Variants in DOCK1 observed in about 807,000 individuals in gnomAD.
DOCK1 encodes the protein dedicator of cytokinesis 1.
A neutral mutation model predicts 262.7 loss-of-function variants in DOCK1; 138 were observed. That is an observed-to-expected ratio of 0.53 (90% confidence interval 0.46 to 0.61). DOCK1 has a LOEUF of 0.61. DOCK1 is among the 20% of genes least tolerant of loss of function. DOCK1 has a pLI of 0.00. For missense variants in DOCK1, 1,908 were observed against 2,370.7 expected, an observed-to-expected ratio of 0.80 and a Z score of 4.05; for synonymous variants, 866 against 867.4, an observed-to-expected ratio of 1.00 and a Z score of 0.03.
intron 46 of DOCK1, among the ~76,000 whole-genome samples, chr10:127,423,011 C>T (rs184462156): frequency 1.3e-5 from 2 of 152,012 alleles, no homozygotes; most frequent in Non-Finnish European, 2.9e-5. Context: ...TAAAGCAGGT[C>T]ACAGGAAAGG....
At chr10:127,170,525 T>C (rs533161333) in intron 27 of DOCK1, among the ~76,000 whole-genome samples, 121 of 152,342 alleles carry the variant, frequency 7.9e-4, no homozygotes, top group African/African-American at 2.8e-3. Flanking sequence ...CACCAGCCAA[T>C]GGACACTTCA....
chr10:127,240,489 T>G lies in DOCK1; in HGVS notation c.2848-7519T>G, dbSNP rs1169410752. 2.0e-5 allele frequency among the ~76,000 whole-genome samples: 3 copies of G among 152,142 alleles called. No homozygotes were observed. In the East Asian group the frequency reaches 5.8e-4, roughly 29 times the overall value. On this transcript the variant is annotated intron_variant, in intron 27 of 51. Coordinates refer to ENST00000623213, the MANE Select transcript of DOCK1 (RefSeq NM_001290223.2). ...TCACTGATGAGAATGGACACCCATT[T>G]TCCGGTGAGCTTCAGTTTTAACAAT...
chr10:127,024,726 G>A lies in DOCK1; in HGVS notation c.1494G>A (p.Glu498=), dbSNP rs778627011. ...FPGAGDEAIS[E]YKSVIYYQVK... ...GTGCTGGTGATGAAGCGATTTCAGA[G>A]TACAAATCTGTGATTTACTACCAAG... is the stretch of plus-strand genomic sequence containing the variant. Residue 498 remains glutamate (E), a synonymous_variant, in exon 15 of 52, where the codon GAG becomes GAA. Transcript: ENST00000623213. 3.1e-6 allele frequency: 5 copies of A among 1,612,418 alleles called. No homozygotes were observed. The African/African-American group carries it at 4.0e-5, about 13-fold the overall frequency.
At chr10:126,928,266 C>A (rs1417396221) in intron 1 of DOCK1, among the ~76,000 whole-genome samples, 2 of 152,188 alleles carry the variant, frequency 1.3e-5, no homozygotes, top group African/African-American at 4.8e-5. Context: ...TGGGCTCTTG[C>A]TGTGGGCCAG....
At chr10:127,331,057 T>G (rs999909999) in intron 29 of DOCK1, among the ~76,000 whole-genome samples, 1 of 151,426 alleles carries the variant, frequency 6.6e-6, no homozygotes, top group African/African-American at 2.4e-5. Context: ...ACGTGGAAAC[T>G]GCAAAGAGGG....
chr10:127,321,406 CA>C (rs1199079756), intron 29 of DOCK1, among the ~76,000 whole-genome samples: 34 of 145,504 alleles, frequency 2.3e-4, no homozygotes, highest in Non-Finnish European at 4.5e-4. Context: ...TGGCATTCTC[CA>C]AGGCTCTTTT....
chr10:127,257,566 A>G (rs762357929), intron 29 of DOCK1, 137 bp downstream of exon 29: 1 of 730,232 alleles, frequency 1.4e-6, no homozygotes, highest in Non-Finnish European at 2.2e-6. Flanking sequence ...TGTGCTGCAG[A>G]CAGTTCTAGG....
chr10:126,980,784 G>T (rs2134828062), intron 3 of DOCK1, among the ~76,000 whole-genome samples: 1 of 152,210 alleles, frequency 6.6e-6, no homozygotes. Flanking sequence ...CCACAGGGGT[G>T]CCACTTTATC....
intron 33 of DOCK1, 129 bp from the exon 34 acceptor site, chr10:127,373,652 G>T: frequency 1.3e-6 from 1 of 799,994 alleles, no homozygotes. Context: ...ACTCTTAAAT[G>T]AGGCTTCAAA....
chr10:127,440,405 T>G (rs1475400652), intron 49 of DOCK1, among the ~76,000 whole-genome samples: 1 of 152,098 alleles, frequency 6.6e-6, no homozygotes, highest in Admixed American at 6.5e-5. Context: ...CACAGCCCAC[T>G]TCCAGGGCGA....
At chr10:127,407,620 G>C (rs1243105303) in intron 40 of DOCK1, among the ~76,000 whole-genome samples, 4 of 152,084 alleles carry the variant, frequency 2.6e-5, no homozygotes, top group Non-Finnish European at 5.9e-5. Flanking sequence ...TAGTCTTTAG[G>C]GGGTAAGTGT....
intron 38 of DOCK1, among the ~76,000 whole-genome samples, chr10:127,387,914 A>G (rs1239036087): frequency 6.6e-6 from 1 of 150,506 alleles, no homozygotes; most frequent in East Asian, 2.0e-4. Flanking sequence ...GTGATAGTTC[A>G]TCAAAAAAAT....
chr10:127,327,370 T>G (rs4751208), intron 29 of DOCK1, among the ~76,000 whole-genome samples: 7,396 of 152,344 alleles, frequency 0.049, 217 homozygotes, highest in Non-Finnish European at 0.072. Flanking sequence ...ATCAGCACTT[T>G]CTGTTCACCT....
chr10:127,188,982 C>G (rs745682428), intron 27 of DOCK1, among the ~76,000 whole-genome samples: 8 of 152,200 alleles, frequency 5.3e-5, no homozygotes, highest in Non-Finnish European at 5.9e-5. Flanking sequence ...CCACGCTGCA[C>G]TCCACTGTGA....
chr10:127,277,656 G>A (rs1385461409), intron 29 of DOCK1, among the ~76,000 whole-genome samples: 1 of 152,076 alleles, frequency 6.6e-6, no homozygotes, highest in Non-Finnish European at 1.5e-5. Context: ...ACTGCTACTG[G>A]GGAGGCTGAG....
At chr10:127,126,092 T>G (rs1247778098) in intron 26 of DOCK1, among the ~76,000 whole-genome samples, 2 of 151,514 alleles carry the variant, frequency 1.3e-5, no homozygotes, top group Non-Finnish European at 2.9e-5. Context: ...ATTCCTTTTT[T>G]TTTTTTTTCT....
At chr10:127,180,677 TTAAA>T (rs1306093351) in intron 27 of DOCK1, among the ~76,000 whole-genome samples, 1 of 152,186 alleles carries the variant, frequency 6.6e-6, no homozygotes, top group Non-Finnish European at 1.5e-5. Context: ...GCATTCCAAC[TTAAA>T]TAAGTGAAAA....
intron 27 of DOCK1, among the ~76,000 whole-genome samples, chr10:127,155,469 T>C (rs1274500850): frequency 6.6e-6 from 1 of 152,196 alleles, no homozygotes; most frequent in Non-Finnish European, 1.5e-5. Flanking sequence ...CGTCTTTCCA[T>C]CATCACCTCC....
At chr10:127,398,850 C>T (rs1268829315) in intron 38 of DOCK1, among the ~76,000 whole-genome samples, 1 of 152,174 alleles carries the variant, frequency 6.6e-6, no homozygotes, top group African/African-American at 2.4e-5. Context: ...TGTCCTGTGA[C>T]ATCCGTGTTG....
Sources: gnomAD v4.1 joint callset for allele counts (sites outside exome capture counted in the v4.1 genomes callset) on GRCh38, gnomAD v4.1.1 for gene constraint, MANE v1.5 for transcripts, NCBI Gene and HGNC (gene_info 2026-07-23, HGNC 2026-07-21) for gene names.